The following SLC5A4 variants were observed in gnomAD, a reference collection of about 807,000 sequenced individuals.
The protein encoded by SLC5A4 is probable glucose sensor protein SLC5A4.
In SLC5A4, 55 loss-of-function variants were observed where a neutral mutation model predicts 70.3. That is an observed-to-expected ratio of 0.78 (90% CI 0.63 to 0.98). The LOEUF (loss-of-function observed/expected upper bound fraction) is 0.98. Ranked by LOEUF, SLC5A4 falls within the 50% of genes least tolerant of loss-of-function variation. The pLI is 0.00. For missense variants in SLC5A4, 735 were observed against 839.2 expected, an observed-to-expected ratio of 0.88 and a Z score of 1.53; for synonymous variants, 268 against 305.7, an observed-to-expected ratio of 0.88 and a Z score of 1.29.
intron 2 of SLC5A4, among the ~76,000 whole-genome samples, chr22:32,253,242 C>T (rs1375178922): frequency 6.6e-6 from 1 of 152,178 alleles, no homozygotes; most frequent in African/African-American, 2.4e-5. Flanking sequence ...CTGACACTCT[C>T]CAGGTGCAGA....
intron 7 of SLC5A4, 131 bp downstream of exon 7, chr22:32,237,113 G>T: frequency 1.4e-6 from 1 of 696,016 alleles, no homozygotes. Context: ...CAGTGATGGG[G>T]ATTATGTAAA....
chr22:32,333,203 C>G, the SLC5A4 span, among the ~76,000 whole-genome samples: 14 of 149,002 alleles, frequency 9.4e-5, no homozygotes, highest in African/African-American at 2.2e-4. Context: ...GGCACCCCCC[C>G]CCCAGAAGAC....
intron 10 of SLC5A4, 52 bp downstream of exon 10, chr22:32,230,916 G>A (rs1256729257): frequency 1.6e-5 from 18 of 1,100,510 alleles, no homozygotes; most frequent in Non-Finnish European, 4.2e-6. Flanking sequence ...CCTTCCTCGA[G>A]GCCCGTCTTA....
the SLC5A4 span, among the ~76,000 whole-genome samples, chr22:32,322,510 G>A: frequency 3.3e-5 from 5 of 152,000 alleles, no homozygotes; most frequent in Non-Finnish European, 5.9e-5. Context: ...ACTTGAACCC[G>A]GGAGGTGAAG....
At chr22:32,239,558 A>ATATT (rs1555989362) in intron 5 of SLC5A4, among the ~76,000 whole-genome samples, 4 of 24,986 alleles carry the variant, frequency 1.6e-4, no homozygotes, top group Non-Finnish European at 2.2e-4. Flanking sequence ...ATATATATAT[A>ATATT]TATATATATA....
At chr22:32,271,721 T>C in the SLC5A4 span, 1 of 580,998 alleles carries the variant, frequency 1.7e-6, no homozygotes, top group Non-Finnish European at 3.2e-6. Context: ...TGTCAACTCT[T>C]TCGCTCTGTT....
chr22:32,245,569 G>A (rs77953342), intron 5 of SLC5A4, among the ~76,000 whole-genome samples: 1,816 of 152,172 alleles, frequency 0.012, 15 homozygotes, highest in South Asian at 0.022. Flanking sequence ...TCACTAGGCC[G>A]GAGTGCAGTC....
Position 32,221,020 on chromosome 22 carries a change from C to T in SLC5A4, c.1668G>A (p.Leu556=). 1 of 1,607,090 alleles carries T rather than the reference C, an allele frequency of 6.2e-7. No homozygotes were observed. Residue 556 remains leucine, a splice_region_variant and synonymous_variant, in exon 14 of 15, where the codon CTG becomes CTA. Transcript: ENST00000266086. The stretch of plus-strand genomic sequence containing the variant: ...TCCGAAGAACCCAGCACAGGCGGTA[C>T]AGCTGAACAGGGACCATACAAAAGT... ...LLTKPIPDVH[L]YRLCWVLRNS... is the part of the protein sequence containing the mutation.
At chr22:32,258,755 A>G (rs992311337), upstream of SLC5A4, among the ~76,000 whole-genome samples, 2 of 152,218 alleles carry the variant, frequency 1.3e-5, no homozygotes, top group South Asian at 4.1e-4. Flanking sequence ...TGAAATTGGC[A>G]TCGCAAAAAG....
chr22:32,291,336 T>C, the SLC5A4 span, among the ~76,000 whole-genome samples: 2 of 151,530 alleles, frequency 1.3e-5, no homozygotes, highest in Non-Finnish European at 2.9e-5. Context: ...CCACCATGCC[T>C]GGCCAATTTT....
chr22:32,253,620 C>G (rs1927297533), intron 2 of SLC5A4, among the ~76,000 whole-genome samples: 1 of 152,138 alleles, frequency 6.6e-6, no homozygotes, highest in South Asian at 2.1e-4. Flanking sequence ...GAGCTGGGGT[C>G]CTTCAGTGCC....
chr22:32,304,546 T>G, the SLC5A4 span, among the ~76,000 whole-genome samples: 1 of 152,346 alleles, frequency 6.6e-6, no homozygotes, highest in Admixed American at 6.5e-5. Context: ...CCCAAATAGC[T>G]GGAATGACAG....
At chr22:32,337,460 G>A in the SLC5A4 span, among the ~76,000 whole-genome samples, 1 of 152,194 alleles carries the variant, frequency 6.6e-6, no homozygotes, top group Admixed American at 6.5e-5. Flanking sequence ...CTTGAACCCC[G>A]GAGGTGGAGG....
the SLC5A4 span, among the ~76,000 whole-genome samples, chr22:32,290,583 G>A: frequency 6.6e-6 from 1 of 152,012 alleles, no homozygotes; most frequent in Non-Finnish European, 1.5e-5. Context: ...GTCCTTTTGG[G>A]TTGCTGTGAC....
chr22:32,238,865 G>A (rs1255084621), intron 6 of SLC5A4, 120 bp downstream of exon 6: 7 of 708,736 alleles, frequency 9.9e-6, no homozygotes, highest in Non-Finnish European at 1.8e-5. Flanking sequence ...CTCTCATAGT[G>A]GAAATGAAAT....
the SLC5A4 span, among the ~76,000 whole-genome samples, chr22:32,278,228 C>T: frequency 6.6e-6 from 1 of 152,212 alleles, no homozygotes; most frequent in Non-Finnish European, 1.5e-5. Flanking sequence ...ATCATTTGAG[C>T]TGTGAATAAT....
At chr22:32,330,901 CTG>C in the SLC5A4 span, among the ~76,000 whole-genome samples, 9 of 63,246 alleles carry the variant, frequency 1.4e-4, no homozygotes, top group South Asian at 6.0e-4. Context: ...GGGGGCTCTC[CTG>C]TGTGTGTGTG....
chr22:32,227,516 C>T (rs1187894469), intron 11 of SLC5A4, among the ~76,000 whole-genome samples: 2 of 152,198 alleles, frequency 1.3e-5, no homozygotes, highest in Non-Finnish European at 2.9e-5. Context: ...TCTCTTGATA[C>T]CAATTTCTTT....
intron 13 of SLC5A4, among the ~76,000 whole-genome samples, chr22:32,222,320 A>C (rs745985877): frequency 6.6e-6 from 1 of 152,190 alleles, no homozygotes; most frequent in Non-Finnish European, 1.5e-5. Flanking sequence ...TTAATTACAC[A>C]TAGAGTAATT....
Sources: allele counts gnomAD v4.1 joint callset (sites outside exome capture counted in the v4.1 genomes callset), GRCh38; gene constraint gnomAD v4.1.1; transcripts MANE v1.5; gene names NCBI Gene and HGNC (gene_info 2026-07-23, HGNC 2026-07-21).